Variants in PKHD1 observed in about 807,000 individuals in gnomAD.
PKHD1 encodes PKHD1 ciliary IPT domain containing fibrocystin/polyductin.
In PKHD1, 291 loss-of-function variants were observed where a neutral mutation model predicts 412.0. The ratio of observed to expected loss-of-function variants is 0.71; its 90% CI spans 0.64 to 0.78. The LOEUF is 0.78. Among genes scored for constraint, PKHD1 ranks in the 30% least tolerant of loss-of-function variants. PKHD1 has a pLI of 0.00. For synonymous variants in PKHD1, 1,777 were observed against 1,821.5 expected (o/e 0.98, Z 0.62); for missense variants, 4,825 against 4,950.7 (o/e 0.97, Z 0.76).
At chr6:51,711,347 G>C (rs530415670) in intron 60 of PKHD1, among the ~76,000 whole-genome samples, 3 of 152,156 alleles carry the variant, frequency 2.0e-5, no homozygotes, top group East Asian at 3.9e-4. Context: ...TAACCTATAC[G>C]CAAGTCTTTG....
chr6:51,659,695 A>C lies in PKHD1; in HGVS notation c.10431T>G (p.Thr3477=), dbSNP rs1319086820. The C allele has an allele frequency of 2.5e-6, 4 of 1,613,874 alleles. No individual in the cohort carries two copies. Among genetic ancestry groups the C allele is most frequent in the Non-Finnish European group, 3.4e-6 (4 of 1,179,880 alleles). The change falls in exon 61 of 67, where the codon ACT becomes ACG. Residue 3477 remains threonine, a synonymous_variant. Transcript: ENST00000371117. ...QITKVCFMDQ[T]PQVLRFFLLG... is the part of the protein sequence containing the mutation. The stretch of plus-strand genomic sequence containing the variant: ...ATAGAAAAAAGCGCAAAACTTGAGG[A>C]GTTTGATCCATGAAGCAGACTTTGG...
intron 34 of PKHD1, among the ~76,000 whole-genome samples, chr6:52,015,583 G>T (rs2128126886): frequency 6.6e-6 from 1 of 152,066 alleles, no homozygotes; most frequent in Admixed American, 6.5e-5. Context: ...CCAGCACTTT[G>T]GGAGGCTGAG....
At chr6:51,947,766 G>A (rs527778678) in intron 36 of PKHD1, among the ~76,000 whole-genome samples, 31 of 152,158 alleles carry the variant, frequency 2.0e-4, no homozygotes, top group Admixed American at 1.8e-3. Context: ...ACCATCGCAC[G>A]CTAATTGTCA....
At chr6:51,922,185 C>T (rs1784814510) in intron 37 of PKHD1, among the ~76,000 whole-genome samples, 1 of 152,230 alleles carries the variant, frequency 6.6e-6, no homozygotes, top group Non-Finnish European at 1.5e-5. Context: ...AGTCAGGACC[C>T]TCAGCTGCAG....
intron 50 of PKHD1, among the ~76,000 whole-genome samples, chr6:51,846,909 CT>C (rs1488266725): frequency 3.3e-5 from 5 of 152,144 alleles, no homozygotes; most frequent in African/African-American, 1.2e-4. Context: ...ACCTTGGACT[CT>C]CTACTGTTCC....
intron 33 of PKHD1, 110 bp from the exon 34 acceptor site, chr6:52,017,739 G>C (rs893179233): frequency 1.3e-6 from 1 of 796,324 alleles, no homozygotes; most frequent in African/African-American, 1.7e-5. Flanking sequence ...GGAATATGAA[G>C]TTAGCAGTTT....
chr6:51,784,241 A>G (rs1792501204), intron 53 of PKHD1, among the ~76,000 whole-genome samples: 1 of 144,188 alleles, frequency 6.9e-6, no homozygotes, highest in South Asian at 2.4e-4. Context: ...GGCTTCATAT[A>G]GGTTGGTGCA....
chr6:51,801,552 G>C, intron 52 of PKHD1, among the ~76,000 whole-genome samples: 1 of 151,662 alleles, frequency 6.6e-6, no homozygotes, highest in Non-Finnish European at 1.5e-5. Flanking sequence ...AGGCAGAAGA[G>C]GCAGTTTCAA....
At chr6:51,737,512 A>G (rs1784002796) in intron 60 of PKHD1, among the ~76,000 whole-genome samples, 1 of 152,158 alleles carries the variant, frequency 6.6e-6, no homozygotes, top group Non-Finnish European at 1.5e-5. Flanking sequence ...AAATATATTC[A>G]GTGTGTTCAT....
At chr6:52,014,789 C>CATGGATGGATGG (rs55884238) in intron 34 of PKHD1, among the ~76,000 whole-genome samples, 1,552 of 142,224 alleles carry the variant, frequency 0.011, 22 homozygotes, top group African/African-American at 0.025. Flanking sequence ...ATGGATGGAT[C>CATGGATGGATGG]ATGGATGGAT....
intron 36 of PKHD1, among the ~76,000 whole-genome samples, chr6:51,948,555 A>G (rs1789828027): frequency 6.6e-6 from 1 of 152,238 alleles, no homozygotes; most frequent in South Asian, 2.1e-4. Context: ...TTTTCCTTCT[A>G]GAAGTAAACA....
intron 52 of PKHD1, among the ~76,000 whole-genome samples, chr6:51,797,622 C>T (rs1375204738): frequency 6.6e-6 from 1 of 151,982 alleles, no homozygotes; most frequent in Non-Finnish European, 1.5e-5. Context: ...GGATTGCAAC[C>T]CCTGCTTTTT....
intron 35 of PKHD1, among the ~76,000 whole-genome samples, chr6:51,993,798 C>A (rs1037364348): frequency 6.6e-6 from 1 of 152,066 alleles, no homozygotes; most frequent in East Asian, 1.9e-4. Context: ...CTCAGCCAGA[C>A]TGGAGAAGAA....
intron 34 of PKHD1, among the ~76,000 whole-genome samples, chr6:52,012,697 T>C (rs939429709): frequency 1.3e-5 from 2 of 152,220 alleles, no homozygotes; most frequent in African/African-American, 4.8e-5. Context: ...TCAGGCCACT[T>C]TGGGCTTTGC....
At chr6:51,894,329 G>A (rs1338883758) in intron 43 of PKHD1, among the ~76,000 whole-genome samples, 1 of 152,194 alleles carries the variant, frequency 6.6e-6, no homozygotes. Context: ...TATCACCCAT[G>A]GGTCCTCACT....
chr6:51,988,264 TA>T (rs1796448974), intron 35 of PKHD1, among the ~76,000 whole-genome samples: 1 of 152,216 alleles, frequency 6.6e-6, no homozygotes, highest in Non-Finnish European at 1.5e-5. Flanking sequence ...TTAAGATCTG[TA>T]CATTTCATTA....
intron 60 of PKHD1, among the ~76,000 whole-genome samples, chr6:51,670,907 C>A (rs919938732): frequency 1.3e-5 from 2 of 151,850 alleles, no homozygotes; most frequent in Non-Finnish European, 2.9e-5. Flanking sequence ...GAGTTTCTGC[C>A]GAGAGATCTG....
At chr6:51,643,741 C>T (rs569599524) in intron 63 of PKHD1, among the ~76,000 whole-genome samples, 1 of 151,868 alleles carries the variant, frequency 6.6e-6, no homozygotes, top group African/African-American at 2.4e-5. Flanking sequence ...AGGTTTGTTA[C>T]GTAGGCAAAC....
intron 66 of PKHD1, among the ~76,000 whole-genome samples, chr6:51,620,189 T>C (rs1189024267): frequency 2.0e-5 from 3 of 152,226 alleles, no homozygotes; most frequent in African/African-American, 7.2e-5. Flanking sequence ...TCTCAGGTGC[T>C]ACTTCAAAAT....
Sources: allele counts gnomAD v4.1 joint callset (sites outside exome capture counted in the v4.1 genomes callset), GRCh38; gene constraint gnomAD v4.1.1; transcripts MANE v1.5; gene names NCBI Gene and HGNC (gene_info 2026-07-23, HGNC 2026-07-21).